CFAP20DC: variants seen among roughly 807,000 people sequenced by gnomAD.
The protein encoded by CFAP20DC is protein CFAP20DC.
In CFAP20DC, 84 loss-of-function variants were observed where a neutral mutation model predicts 101.7. That is an observed-to-expected ratio of 0.83 (90% CI 0.69 to 0.99). CFAP20DC has a LOEUF of 0.99. Ranked by LOEUF, CFAP20DC falls within the 50% of genes least tolerant of loss-of-function variation. The probability of loss-of-function intolerance (pLI) is 0.00; values close to 1 mark genes in which losing one functional copy is unlikely to be tolerated. For synonymous variants in CFAP20DC, 359 were observed against 351.2 expected (o/e 1.02, Z -0.25); for missense variants, 1,007 against 970.3 (o/e 1.04, Z -0.50).
chr3:58,817,918 C>A (rs2075320393), intron 14 of CFAP20DC, among the ~76,000 whole-genome samples: 1 of 150,888 alleles, frequency 6.6e-6, no homozygotes, highest in East Asian at 2.0e-4. Context: ...CAAAGGGAAG[C>A]CCATCAGACT....
chr3:58,781,169 C>G (rs1025328578), intron 15 of CFAP20DC, among the ~76,000 whole-genome samples: 2 of 151,542 alleles, frequency 1.3e-5, no homozygotes. Context: ...GGGAATTAAA[C>G]AACATACTTT....
intron 15 of CFAP20DC, among the ~76,000 whole-genome samples, chr3:58,783,266 T>C (rs542356722): frequency 3.3e-5 from 5 of 151,970 alleles, no homozygotes; most frequent in Admixed American, 6.6e-5. Context: ...TCTCATCATA[T>C]ACAAAAATCA....
chr3:58,735,438 AT>A lies in CFAP20DC; in HGVS notation c.198-17811del, dbSNP rs376115725. Among the ~76,000 whole-genome samples the A allele has an allele frequency of 2.2e-3, 338 of 152,362 alleles. 4 individuals are homozygous for A. The highest frequency in any genetic ancestry group is 7.7e-3 in the African/African-American group (322 of 41,586). On this transcript the variant is annotated intron_variant, in intron 3 of 3. Coordinates refer to the CFAP20DC transcript ENST00000486145. ...GCCCACAAATGAAATCCATCAAGTGATGGTTAGTCTGTTGATTGAAACTCTC... is the reference window on the plus strand; with the variant it reads ...GCCCACAAATGAAATCCATCAAGTGAGGTTAGTCTGTTGATTGAAACTCTC...
At chr3:58,737,304 TCACACACA>T (rs72290352), downstream of CFAP20DC, 2 of 439,108 alleles carry the variant, frequency 4.6e-6, no homozygotes, top group African/African-American at 4.1e-5. The surrounding 1 kb of genome is among the most constrained non-coding windows in gnomAD (Gnocchi z 4.1). Flanking sequence ...CAAATCTCTC[TCACACACA>T]CACACACACA....
chr3:58,831,293 T>G (rs571457542), intron 14 of CFAP20DC, among the ~76,000 whole-genome samples: 4 of 152,362 alleles, frequency 2.6e-5, no homozygotes, highest in Admixed American at 1.3e-4. Context: ...GCAATACTTG[T>G]GTATCTATAG....
intron 14 of CFAP20DC, among the ~76,000 whole-genome samples, chr3:58,822,312 AAAACAAACAAAC>A (rs145291014): frequency 7.2e-6 from 1 of 138,392 alleles, no homozygotes; most frequent in Non-Finnish European, 1.5e-5. Flanking sequence ...AAATCATGAA[AAAACAAACAAAC>A]AAACAAACAA....
At chr3:59,029,447 G>A (rs747007163) in intron 4 of CFAP20DC, among the ~76,000 whole-genome samples, 11 of 152,066 alleles carry the variant, frequency 7.2e-5, no homozygotes, top group Non-Finnish European at 1.5e-4. Context: ...CTGAGATGAG[G>A]AGGCTGAAGA....
intron 4 of CFAP20DC, among the ~76,000 whole-genome samples, chr3:59,032,815 C>G (rs923511887): frequency 4.6e-5 from 7 of 152,120 alleles, no homozygotes; most frequent in Non-Finnish European, 8.8e-5. Context: ...CTGATGAGAG[C>G]AGTGGATCTC....
intron 4 of CFAP20DC, among the ~76,000 whole-genome samples, chr3:59,013,239 G>T (rs1337137017): frequency 6.6e-6 from 1 of 152,112 alleles, no homozygotes; most frequent in Non-Finnish European, 1.5e-5. Context: ...TTGCTGTCCT[G>T]ACCAAAATTC....
At chr3:58,871,739 G>T (rs2080241683) in intron 7 of CFAP20DC, among the ~76,000 whole-genome samples, 1 of 152,058 alleles carries the variant, frequency 6.6e-6, no homozygotes, top group Non-Finnish European at 1.5e-5. Flanking sequence ...TGTCGGCCAG[G>T]CTGGTCTCGA....
chr3:58,907,644 A>T (rs2083737992), intron 6 of CFAP20DC, among the ~76,000 whole-genome samples: 1 of 152,216 alleles, frequency 6.6e-6, no homozygotes, highest in Non-Finnish European at 1.5e-5. Context: ...CTGTGTGGGA[A>T]CATTACTCCA....
chr3:58,733,025 G>A (rs2067675453), intron 3 of CFAP20DC, among the ~76,000 whole-genome samples: 2 of 152,216 alleles, frequency 1.3e-5, no homozygotes, highest in Non-Finnish European at 2.9e-5. Context: ...GAGCCAGTCT[G>A]AAATTGTATA....
chr3:58,779,570 T>C (rs1300314786), intron 15 of CFAP20DC, among the ~76,000 whole-genome samples: 1 of 151,834 alleles, frequency 6.6e-6, no homozygotes, highest in African/African-American at 2.4e-5. Context: ...AAATAGAAAA[T>C]ACATTTCAAA....
At chr3:58,867,007 A>C (rs534723407) in intron 10 of CFAP20DC, among the ~76,000 whole-genome samples, 6 of 152,278 alleles carry the variant, frequency 3.9e-5, no homozygotes, top group South Asian at 2.1e-4. Flanking sequence ...TTCCACATGA[A>C]ATGAAGTGAG....
At chr3:58,820,138 T>C (rs755186528) in intron 14 of CFAP20DC, among the ~76,000 whole-genome samples, 4 of 152,054 alleles carry the variant, frequency 2.6e-5, no homozygotes, top group Admixed American at 2.0e-4. Context: ...TGATGGGACA[T>C]ATTTCAAAAT....
At chr3:58,963,959 G>A (rs1205030329) in intron 4 of CFAP20DC, among the ~76,000 whole-genome samples, 1 of 152,108 alleles carries the variant, frequency 6.6e-6, no homozygotes, top group African/African-American at 2.4e-5. Flanking sequence ...CAGACTCTGT[G>A]GCAATAAGAT....
At chr3:58,737,060 TAC>T, downstream of CFAP20DC, 1 of 379,162 alleles carries the variant, frequency 2.6e-6, no homozygotes, top group Non-Finnish European at 5.1e-6. This position sits in a 1 kb window ranked among gnomAD's most constrained non-coding sequence, Gnocchi z 4.1. Flanking sequence ...CCATATTACC[TAC>T]AGTTATAAGT....
At position 59,015,267 on chromosome 3, in the gene CFAP20DC, T is replaced by C. The variant is rs1490884311; in HGVS notation, c.278+24290A>G. On this transcript the variant is annotated intron_variant, in intron 4 of 16. Transcript: ENST00000482387. This position sits in a 1 kb window ranked among gnomAD's most constrained non-coding sequence, Gnocchi z 5.4. ...GCCCTCAGGCACCCACTTTCTCTTC[T>C]TGAGTAAGTTTACTCCCACAGGAGT... Among the ~76,000 whole-genome samples the C allele has an allele frequency of 2.0e-5, 3 of 151,896 alleles. No homozygotes were observed. The highest frequency in any genetic ancestry group is 4.4e-5 in the Non-Finnish European group (3 of 67,948).
At chr3:58,929,582 T>G (rs867229278) in intron 5 of CFAP20DC, among the ~76,000 whole-genome samples, 2 of 152,256 alleles carry the variant, frequency 1.3e-5, no homozygotes, top group African/African-American at 4.8e-5. Flanking sequence ...CATTTATGGA[T>G]ATTTAATATT....
Sources: gnomAD v4.1 joint callset for allele counts (sites outside exome capture counted in the v4.1 genomes callset) on GRCh38, gnomAD v4.1.1 for gene constraint, Gnocchi (gnomAD v3.1) non-coding constraint, MANE v1.5 for transcripts, NCBI Gene and HGNC (gene_info 2026-07-23, HGNC 2026-07-21) for gene names.